Variants in ITGB4 observed in about 807,000 individuals in gnomAD.
The protein encoded by ITGB4 is integrin beta-4.
ITGB4 carries 159 observed loss-of-function variants against 207.6 expected under a neutral mutation model. That is an observed-to-expected ratio of 0.77 (90% CI 0.67 to 0.87). The LOEUF (loss-of-function observed/expected upper bound fraction) is 0.87. Among genes scored for constraint, ITGB4 ranks in the 40% least tolerant of loss-of-function variants. ITGB4 has a pLI of 0.00. For synonymous variants in ITGB4, 1,020 were observed against 1,062.7 expected, an observed-to-expected ratio of 0.96 and a Z score of 0.78; for missense variants, 2,278 against 2,546.8, an observed-to-expected ratio of 0.89 and a Z score of 2.27.
intron 13 of ITGB4, among the ~76,000 whole-genome samples, chr17:75,734,449 G>A (rs529144220): frequency 5.3e-5 from 8 of 152,008 alleles, no homozygotes; most frequent in African/African-American, 1.9e-4. Flanking sequence ...CACTGAGCCC[G>A]GCCCAAAGAT....
In ITGB4 at chr17:75,756,749, T is replaced by C. The variant is rs756055248; in HGVS notation, c.4943T>C (p.Val1648Ala). 6.2e-7 allele frequency: 1 copy of C among 1,612,802 alleles called. No individual in the cohort carries two copies. The highest frequency in any genetic ancestry group is 8.5e-7 in the Non-Finnish European group (1 of 1,179,992). The change falls in exon 37 of 40, where the codon GTG (valine) becomes GCG (alanine). Residue 1648 changes from valine (V) to alanine (A), a missense_variant. Coordinates refer to ENST00000200181, the MANE Select transcript of ITGB4 (RefSeq NM_000213.5). Reference sequence around the variant, plus strand: ...ACTCCCAGTGCCCCAGGCCCGCTGGTGTTCACTGCCCTGAGCCCAGACTCG... The same window carrying C: ...ACTCCCAGTGCCCCAGGCCCGCTGGCGTTCACTGCCCTGAGCCCAGACTCG... ...LSTPSAPGPL[V>A]FTALSPDSLQ...
At chr17:75,736,433 C>G in intron 15 of ITGB4, 47 bp downstream of exon 15, 1 of 1,610,208 alleles carries the variant, frequency 6.2e-7, no homozygotes, top group Non-Finnish European at 8.5e-7. Context: ...AGGGCAGGCA[C>G]AGGGCAGTGT....
rs538035798 is a variant in ITGB4, at chr17:75,728,853, G to A, written c.566+380G>A. On this transcript the variant is annotated intron_variant, in intron 6 of 39. Transcript: ENST00000200181. The stretch of plus-strand genomic sequence containing the variant: ...CAAAAGATTAGCCAGGCGTGATGGT[G>A]GGCACCGGTAGTCCCAGCTACTCGG... Among the ~76,000 whole-genome samples, 4 of 152,116 alleles carry A rather than the reference G, an allele frequency of 2.6e-5. No homozygotes were observed. The South Asian group carries it at 8.3e-4, about 32-fold the overall frequency.
chr17:75,728,860 G>T (rs4788906), intron 6 of ITGB4, among the ~76,000 whole-genome samples: 2 of 151,636 alleles, frequency 1.3e-5, no homozygotes, highest in Non-Finnish European at 2.9e-5. Flanking sequence ...GGTGGGCACC[G>T]GTAGTCCCAG....
Position 75,732,084 on chromosome 17 carries a change from G to T in ITGB4, c.1378-79G>T, listed in dbSNP as rs1321137516. On this transcript the variant is annotated intron_variant, in intron 11 of 39. Transcript: ENST00000200181. The surrounding 1 kb of genome is among the most constrained non-coding windows in gnomAD (Gnocchi z 5.3). ...CATATCCCTTGTGGGGTTTCCCGAG[G>T]CACACAGGAGAGCGGAAGTGTCCAG... is the stretch of plus-strand genomic sequence containing the variant. 6.2e-7 allele frequency: 1 copy of T among 1,606,772 alleles called. No individual in the cohort carries two copies. Among genetic ancestry groups the T allele is most frequent in the African/African-American group, 1.3e-5 (1 of 74,772 alleles).
chr17:75,752,427 T>A lies in ITGB4; in HGVS notation c.3977-19T>A, dbSNP rs1434530468. ...AGGGGGCAGCAGCCAGGGCCCTGGC[T>A]CACTCCCCTGCCCTGCAGTCCCCAT... On this transcript the variant is annotated intron_variant, in intron 31 of 39. Coordinates refer to ENST00000200181, the MANE Select transcript of ITGB4 (RefSeq NM_000213.5). The A allele has an allele frequency of 1.2e-6, 2 of 1,612,854 alleles. No homozygotes were observed. Among genetic ancestry groups the A allele is most frequent in the Non-Finnish European group, 1.7e-6 (2 of 1,179,864 alleles).
intron 34 of ITGB4, 180 bp downstream of exon 34, chr17:75,754,995 C>T: frequency 6.5e-7 from 1 of 1,548,318 alleles, no homozygotes; most frequent in Non-Finnish European, 8.8e-7. Context: ...TGCATGCGCA[C>T]ACGTACACAC....
chr17:75,729,516 G>C lies in ITGB4; in HGVS notation c.738+80G>C. 2.1e-6 allele frequency: 3 copies of C among 1,450,578 alleles called. No individual in the cohort carries two copies. The highest frequency in any genetic ancestry group is 4.4e-4 in the Middle Eastern group (2 of 4,524). The allele number at this position is 1,450,578 out of a possible 1,614,324, so 89.9% of individuals were successfully genotyped here. A position where few individuals can be genotyped will look rare whatever the true frequency, so the allele number is the denominator to read the frequency against. ...AAGGGCCTGAGCTGCCCCCTGGCCT[G>C]CTCTGGTGCCAGGCTCACAGGCCCT... On this transcript the variant is annotated intron_variant, in intron 7 of 39. Transcript: ENST00000200181. The surrounding 1 kb of genome is among the most constrained non-coding windows in gnomAD (Gnocchi z 4.4).
At position 75,730,963 on chromosome 17, in the gene ITGB4, A is replaced by T; in HGVS notation, c.1091A>T (p.Asn364Ile). The T allele has an allele frequency of 6.2e-7, 1 of 1,612,170 alleles. No homozygotes were observed. The highest frequency in any genetic ancestry group is 8.5e-7 in the Non-Finnish European group (1 of 1,178,576). Residue 364 changes from asparagine (N) to isoleucine (I), a missense_variant and splice_region_variant, in exon 9 of 40, where the codon AAT (asparagine) becomes ATT (isoleucine). Asn to Ile is a moderately radical substitution (Grantham distance 149). Coordinates refer to ENST00000200181, the MANE Select transcript of ITGB4 (RefSeq NM_000213.5). ...NIVELLEEAFNRIRSNLDIRA... is the reference protein window; with the variant it reads ...NIVELLEEAFIRIRSNLDIRA... Reference sequence around the variant, plus strand: ...GTGGAGCTGCTGGAGGAGGCCTTCAATGTGAGGGCAGCTCAGGCTCCAGAG... The same window carrying T: ...GTGGAGCTGCTGGAGGAGGCCTTCATTGTGAGGGCAGCTCAGGCTCCAGAG...
At position 75,737,167 on chromosome 17, in the gene ITGB4, G is replaced by A. The variant is rs141440057; in HGVS notation, c.1991-155G>A. Among the ~76,000 whole-genome samples, 511 of 152,268 alleles carry A rather than the reference G, an allele frequency of 3.4e-3. 5 individuals carry two copies. The highest frequency in any genetic ancestry group is 0.012 in the African/African-American group (487 of 41,540). On this transcript the variant is annotated intron_variant, in intron 16 of 39. Coordinates refer to ENST00000200181, the MANE Select transcript of ITGB4 (RefSeq NM_000213.5). ...CCCACCACACCCGTTCCTGTGCCTG[G>A]TGAGAGCACGGCTTTGCAAGGACTT...
chr17:75,748,815 C>CGTCA (rs767834269), intron 26 of ITGB4, 26 bp from the exon 27 acceptor site: 1 of 1,571,276 alleles, frequency 6.4e-7, no homozygotes, highest in South Asian at 1.1e-5. Flanking sequence ...AGCCATGACC[C>CGTCA]TGACCCTGAC....
rs546577227 is a variant in ITGB4 at position 75,739,575 on chromosome 17, C to A, written c.2221-97C>A. On this transcript the variant is annotated intron_variant, in intron 18 of 39. Transcript: ENST00000200181. The surrounding 1 kb of genome is among the most constrained non-coding windows in gnomAD (Gnocchi z 5.4). ...CTGGTGTCTGGGGAGGCACTGTCAC[C>A]CCTCTTGACCATTGGCATGGGGCGG... 86 of 1,386,440 alleles carry A rather than the reference C, an allele frequency of 6.2e-5. No individual in the cohort carries two copies. The Admixed American group carries it at 1.2e-3, about 19-fold the overall frequency. The allele number at this position is 1,386,440 out of a possible 1,614,324, so 85.9% of individuals were successfully genotyped here. A position where few individuals can be genotyped will look rare whatever the true frequency, so the allele number is the denominator to read the frequency against.
At chr17:75,728,794 C>T (rs2060783167) in intron 6 of ITGB4, among the ~76,000 whole-genome samples, 1 of 152,080 alleles carries the variant, frequency 6.6e-6, no homozygotes, top group South Asian at 2.1e-4. Flanking sequence ...ACCATCCTGG[C>T]TAACACGGTG....
At position 75,733,472 on chromosome 17, in the gene ITGB4, G is replaced by A. The variant is rs767947907; in HGVS notation, c.1455-18G>A. 2 of 1,610,706 alleles carry A rather than the reference G, an allele frequency of 1.2e-6. No individual in the cohort carries two copies. Reference sequence around the variant, plus strand: ...TTCCTCCTGGGCTGTTTCGGGGAATGACCAGTTCCTCCTTCAGGAGTGGCC... The same window carrying A: ...TTCCTCCTGGGCTGTTTCGGGGAATAACCAGTTCCTCCTTCAGGAGTGGCC... On this transcript the variant is annotated intron_variant, in intron 12 of 39. Transcript: ENST00000200181.
At chr17:75,754,946 G>T in intron 34 of ITGB4, 131 bp downstream of exon 34, 2 of 1,404,756 alleles carry the variant, frequency 1.4e-6, no homozygotes, top group African/African-American at 1.8e-5. Context: ...ACACATGCAC[G>T]CACACACGTG....
intron 5 of ITGB4, among the ~76,000 whole-genome samples, chr17:75,728,085 C>G (rs932644734): frequency 7.2e-5 from 11 of 152,154 alleles, no homozygotes; most frequent in Non-Finnish European, 1.0e-4. Context: ...GCCATCTGGC[C>G]CTGACAAGGA....
Position 75,750,723 on chromosome 17 carries a change from T to A in ITGB4, c.3518T>A (p.Leu1173Gln). 2 of 1,613,522 alleles carry A rather than the reference T, an allele frequency of 1.2e-6. No homozygotes were observed. Among genetic ancestry groups the A allele is most frequent in the Admixed American group, 1.7e-5 (1 of 60,018 alleles). Residue 1173 changes from leucine (L) to glutamine (Q), a missense_variant, in exon 29 of 40, where the codon CTG becomes CAG. Transcript: ENST00000200181. This position sits in a 1 kb window ranked among gnomAD's most constrained non-coding sequence, Gnocchi z 5.5. ...IQGDSESEAH[L>Q]LDSKVPSVEL... ...GGTGACTCCGAATCCGAAGCCCACC[T>A]GCTCGACAGCAAGGTGCCCTCAGTG...
rs753743195 is a variant in ITGB4 at position 75,751,107 on chromosome 17, C to T, written c.3789C>T (p.Asp1263=). The part of the protein sequence containing the change: ...YEVCYGLVND[D]NRPIGPMKKV... The stretch of plus-strand genomic sequence containing the variant: ...TCTGCTATGGCCTGGTCAACGATGA[C>T]AACCGTAAGAACCAGATCCTTCTTT... The change falls in exon 30 of 40, where the codon GAC becomes GAT. Residue 1263 remains aspartate (D), a synonymous_variant. Coordinates refer to ENST00000200181, the MANE Select transcript of ITGB4 (RefSeq NM_000213.5). 6.2e-7 allele frequency: 1 copy of T among 1,613,348 alleles called. No homozygotes were observed. The highest frequency in any genetic ancestry group is 1.3e-5 in the African/African-American group (1 of 74,946).
In ITGB4 at chr17:75,731,892, C is replaced by A; in HGVS notation, c.1296C>A (p.Gly432=). The A allele has an allele frequency of 6.2e-7, 1 of 1,614,028 alleles. No homozygotes were observed. The highest frequency in any genetic ancestry group is 8.5e-7 in the Non-Finnish European group (1 of 1,179,998). The part of the protein sequence containing the change: ...HVCQLPEDQK[G]NIHLKPSFSD... ...GCCAGCTGCCGGAGGACCAGAAGGGCAACATCCATCTGAAACCTTCCTTCT... is the reference window on the plus strand; with the variant it reads ...GCCAGCTGCCGGAGGACCAGAAGGGAAACATCCATCTGAAACCTTCCTTCT... The change falls in exon 11 of 40, where the codon GGC becomes GGA. Residue 432 remains glycine (G), a synonymous_variant. Coordinates refer to ENST00000200181, the MANE Select transcript of ITGB4 (RefSeq NM_000213.5). This position sits in a 1 kb window ranked among gnomAD's most constrained non-coding sequence, Gnocchi z 6.8.
Sources: gnomAD v4.1 joint callset for allele counts (sites outside exome capture counted in the v4.1 genomes callset) on GRCh38, gnomAD v4.1.1 for gene constraint, Gnocchi (gnomAD v3.1) non-coding constraint, MANE v1.5 for transcripts, NCBI Gene and HGNC (gene_info 2026-07-23, HGNC 2026-07-21) for gene names.